The following CHSY3 variants were observed in gnomAD, a reference collection of about 807,000 sequenced individuals.
CHSY3 encodes the protein chondroitin sulfate synthase 3, also known as N-acetylgalactosaminyl-proteoglycan 3-beta-glucuronosyltransferase 3.
CHSY3 carries 35 observed loss-of-function variants against 67.2 expected under a neutral mutation model. The observed-to-expected ratio is 0.52, with a 90% CI of 0.40 to 0.69. The LOEUF is 0.69. Among genes scored for constraint, CHSY3 ranks in the 30% least tolerant of loss-of-function variants. The probability of loss-of-function intolerance (pLI) is 0.00; values close to 1 mark genes in which losing one functional copy is unlikely to be tolerated. For synonymous variants in CHSY3, 474 were observed against 434.7 expected, an observed-to-expected ratio of 1.09 and a Z score of -1.12; for missense variants, 1,069 against 1,138.5, an observed-to-expected ratio of 0.94 and a Z score of 0.88.
At chr5:129,905,671 C>G (rs1188889368) in intron 1 of CHSY3, 40 bp downstream of exon 1, 3 of 1,601,768 alleles carry the variant, frequency 1.9e-6, no homozygotes, top group Non-Finnish European at 2.6e-6. Context: ...GCCAGTCTCC[C>G]CGACTCCTTT....
chr5:129,905,399 C>A lies in CHSY3; in HGVS notation c.570C>A (p.Ala190=). 2 of 1,606,244 alleles carry A rather than the reference C, an allele frequency of 1.2e-6. No individual in the cohort carries two copies. Among genetic ancestry groups the A allele is most frequent in the Non-Finnish European group, 8.5e-7 (1 of 1,177,706 alleles). Residue 190 remains alanine (A), a synonymous_variant, in exon 1 of 3, where the codon GCC becomes GCA. Coordinates refer to ENST00000305031, the MANE Select transcript of CHSY3 (RefSeq NM_175856.5). ...AQKYLGSRAL[A]AQRTWARFIP... ...AGTACCTGGGCAGCCGCGCGCTGGC[C>A]GCGCAGCGGACCTGGGCGCGTTTCA...
intron 2 of CHSY3, among the ~76,000 whole-genome samples, chr5:129,959,554 C>T (rs939416109): frequency 2.0e-5 from 3 of 151,920 alleles, no homozygotes; most frequent in African/African-American, 7.3e-5. Context: ...ATTTCAATAT[C>T]GTTAAATAGG....
intron 2 of CHSY3, among the ~76,000 whole-genome samples, chr5:130,076,498 G>A (rs1313462915): frequency 1.3e-5 from 2 of 151,244 alleles, no homozygotes; most frequent in Admixed American, 6.6e-5. Flanking sequence ...CAGTAAAATA[G>A]TAGTAAATGT....
At chr5:130,055,237 T>C (rs139939435) in intron 2 of CHSY3, among the ~76,000 whole-genome samples, 144 of 151,464 alleles carry the variant, frequency 9.5e-4, no homozygotes, top group African/African-American at 3.4e-3. Flanking sequence ...GTTTTTGACA[T>C]GCCCTCCTTT....
intron 2 of CHSY3, among the ~76,000 whole-genome samples, chr5:129,948,101 A>T (rs945260668): frequency 1.3e-5 from 2 of 152,202 alleles, no homozygotes; most frequent in African/African-American, 4.8e-5. Context: ...GTGCTGCTAA[A>T]CAAAATTGAC....
rs142580721 is a variant in CHSY3 at position 130,084,463 on chromosome 5, T to C, written c.1087-99766T>C. The stretch of plus-strand genomic sequence containing the variant: ...GAAAAAATTTATTCAGAGCAAAATA[T>C]GTGTGACCAATGACCTGTGACACAG... On this transcript the variant is annotated intron_variant, in intron 2 of 2. Transcript: ENST00000305031. Among the ~76,000 whole-genome samples the C allele has an allele frequency of 5.9e-3, 904 of 151,974 alleles. 11 individuals carry two copies. Among genetic ancestry groups the C allele is most frequent in the African/African-American group, 0.021 (861 of 41,508 alleles).
intron 2 of CHSY3, among the ~76,000 whole-genome samples, chr5:129,943,933 C>A (rs879377360): frequency 1.6e-4 from 25 of 152,308 alleles, no homozygotes; most frequent in Admixed American, 7.2e-4. Flanking sequence ...GGGGAACACA[C>A]AAGTGTGAGT....
chr5:130,168,539 T>G (rs1031551485), intron 2 of CHSY3, among the ~76,000 whole-genome samples: 1 of 152,120 alleles, frequency 6.6e-6, no homozygotes, highest in Admixed American at 6.6e-5. Context: ...GTGTAAAGTC[T>G]TAAGTTACGT....
At chr5:130,007,467 C>G (rs1763907477) in intron 2 of CHSY3, among the ~76,000 whole-genome samples, 1 of 151,932 alleles carries the variant, frequency 6.6e-6, no homozygotes, top group South Asian at 2.1e-4. Context: ...AGCAGAGAAC[C>G]CTGCATGTGG....
intron 2 of CHSY3, among the ~76,000 whole-genome samples, chr5:130,078,008 T>C (rs1262243615): frequency 6.6e-5 from 10 of 152,126 alleles, no homozygotes; most frequent in Admixed American, 5.9e-4. Context: ...TGCTAAGCAA[T>C]GCATTTTCTC....
At chr5:129,943,652 A>C (rs545314730) in intron 2 of CHSY3, among the ~76,000 whole-genome samples, 5 of 152,334 alleles carry the variant, frequency 3.3e-5, no homozygotes, top group Non-Finnish European at 4.4e-5. Context: ...AATTTCATGA[A>C]GGGTAGATTA....
At chr5:129,944,480 G>A (rs1167121597) in intron 2 of CHSY3, among the ~76,000 whole-genome samples, 1 of 151,694 alleles carries the variant, frequency 6.6e-6, no homozygotes, top group East Asian at 1.9e-4. Flanking sequence ...GATTACAGGC[G>A]AACACCACCA....
At chr5:129,941,885 C>A (rs1335368293) in intron 2 of CHSY3, among the ~76,000 whole-genome samples, 2 of 152,150 alleles carry the variant, frequency 1.3e-5, no homozygotes, top group East Asian at 3.9e-4. Context: ...TCCCCACAAC[C>A]CCCTCTTTGG....
At chr5:130,015,170 C>T (rs1160101427) in intron 2 of CHSY3, among the ~76,000 whole-genome samples, 1 of 152,042 alleles carries the variant, frequency 6.6e-6, no homozygotes, top group Non-Finnish European at 1.5e-5. Context: ...GCACTTCCCC[C>T]TTCACTTTCT....
chr5:130,166,410 CT>C (rs559443862), intron 2 of CHSY3, among the ~76,000 whole-genome samples: 48 of 152,138 alleles, frequency 3.2e-4, no homozygotes, highest in Non-Finnish European at 6.0e-4. Flanking sequence ...GTAAATTACT[CT>C]TTTTGTGGTG....
Position 129,905,108 on chromosome 5 carries a change from C to T in CHSY3, c.279C>T (p.Pro93=). The change falls in exon 1 of 3, where the codon CCC becomes CCT. Residue 93 remains proline, a synonymous_variant. Transcript: ENST00000305031. ...LQGPPLPEAA[P]GITSFRSSPW... ...GGCCACCGCTGCCCGAGGCAGCACCCGGGATCACCAGTTTTCGAAGCAGCC... is the reference window on the plus strand; with the variant it reads ...GGCCACCGCTGCCCGAGGCAGCACCTGGGATCACCAGTTTTCGAAGCAGCC... The T allele has an allele frequency of 6.5e-7, 1 of 1,540,326 alleles. No individual in the cohort carries two copies. Among genetic ancestry groups the T allele is most frequent in the Non-Finnish European group, 8.7e-7 (1 of 1,149,142 alleles).
intron 2 of CHSY3, among the ~76,000 whole-genome samples, chr5:130,089,384 A>T (rs1046727014): frequency 2.0e-5 from 3 of 151,928 alleles, no homozygotes; most frequent in African/African-American, 4.8e-5. Flanking sequence ...ATAATAAAAT[A>T]AAAATTAAAA....
intron 1 of CHSY3, among the ~76,000 whole-genome samples, chr5:129,907,841 G>C (rs558921442): frequency 6.6e-6 from 1 of 152,158 alleles, no homozygotes; most frequent in African/African-American, 2.4e-5. Flanking sequence ...TGTCAGAGCT[G>C]TTAAGGTTTT....
chr5:130,147,518 A>G (rs559078217), intron 2 of CHSY3, among the ~76,000 whole-genome samples: 1 of 152,210 alleles, frequency 6.6e-6, no homozygotes, highest in Non-Finnish European at 1.5e-5. Context: ...TCCAACTTCT[A>G]TAACATCAAG....
Sources: allele counts gnomAD v4.1 joint callset (sites outside exome capture counted in the v4.1 genomes callset), GRCh38; gene constraint gnomAD v4.1.1; transcripts MANE v1.5; gene names NCBI Gene and HGNC (gene_info 2026-07-23, HGNC 2026-07-21).